SRSF3: variants seen among roughly 807,000 people sequenced by gnomAD.
SRSF3 encodes serine and arginine rich splicing factor 3.
For synonymous variants in SRSF3, 87 were observed against 73.6 expected (o/e 1.18, Z -0.93); for missense variants, 58 against 217.1 (o/e 0.27, Z 4.61).
At chr6:36,599,040 C>T (rs1778676766) in intron 3 of SRSF3, 57 bp downstream of exon 3, 1 of 1,575,288 alleles carries the variant, frequency 6.3e-7, no homozygotes, top group South Asian at 1.1e-5. Context: ...CTAGTAGGAG[C>T]AGGTATTTCT....
rs1207368855 is a variant in SRSF3 at position 36,604,080 on chromosome 6, T to C, written c.*2091T>C. Reference sequence around the variant, plus strand: ...AGAACATGGAAATTGTTAAAAGCTTTGAATTGCACATTTAGATTGTGGCTA... The same window carrying C: ...AGAACATGGAAATTGTTAAAAGCTTCGAATTGCACATTTAGATTGTGGCTA... On this transcript the variant is annotated 3_prime_UTR_variant, in exon 6 of 6. Coordinates refer to ENST00000373715, the MANE Select transcript of SRSF3 (RefSeq NM_003017.5). 3 of 227,288 alleles carry C rather than the reference T, an allele frequency of 1.3e-5. No individual in the cohort carries two copies. The highest frequency in any genetic ancestry group is 6.7e-5 in the African/African-American group (3 of 45,032). 14.1% of individuals were successfully genotyped at this position (227,288 alleles called of 1,614,324 possible).
chr6:36,601,106 A>AAATAC, intron 3 of SRSF3, 46 bp from the exon 4 acceptor site: 1 of 1,589,210 alleles, frequency 6.3e-7, no homozygotes, highest in South Asian at 1.1e-5. Context: ...CTCACGCCAT[A>AAATAC]AATACTAATT....
At chr6:36,595,337 GT>G (rs1340892396) in intron 1 of SRSF3, among the ~76,000 whole-genome samples, 1 of 152,210 alleles carries the variant, frequency 6.6e-6, no homozygotes, top group Non-Finnish European at 1.5e-5. Context: ...AAATTTTTTA[GT>G]AGCAAATATC....
chr6:36,597,594 C>T (rs1778651911), intron 2 of SRSF3, among the ~76,000 whole-genome samples: 1 of 152,008 alleles, frequency 6.6e-6, no homozygotes, highest in African/African-American at 2.4e-5. Context: ...TGAGTATTGA[C>T]CTCCATGCCC....
At chr6:36,594,504 A>T (rs1420012738) in intron 1 of SRSF3, 23 bp downstream of exon 1, 1 of 152,224 alleles carries the variant, frequency 6.6e-6, no homozygotes, top group Non-Finnish European at 1.5e-5. Flanking sequence ...CGAAAGAGGG[A>T]ATGAGGTGGA....
At position 36,601,928 on chromosome 6, in the gene SRSF3, ATGTTTTGTT is replaced by A. The variant is rs747430245; in HGVS notation, c.468-32_468-24del. 407 of 1,558,998 alleles carry A rather than the reference ATGTTTTGTT, an allele frequency of 2.6e-4. 1 individual carries two copies. The highest frequency in any genetic ancestry group is 3.4e-4 in the Non-Finnish European group (393 of 1,160,360). ...AAAGTGTCACCAAGTTACAGATGTAATGTTTTGTTTTCTTTTTTTTTTTTTTTTTTTAGT... is the reference window on the plus strand; with the variant it reads ...AAAGTGTCACCAAGTTACAGATGTAATTCTTTTTTTTTTTTTTTTTTTAGT... On this transcript the variant is annotated intron_variant, in intron 5 of 5. Transcript: ENST00000373715.
intron 3 of SRSF3, 48 bp downstream of exon 3, chr6:36,599,031 T>G: frequency 6.3e-7 from 1 of 1,594,480 alleles, no homozygotes; most frequent in Non-Finnish European, 8.5e-7. Context: ...ATGGAGTAGC[T>G]AGTAGGAGCA....
chr6:36,596,343 C>G (rs1188553229), intron 1 of SRSF3, among the ~76,000 whole-genome samples: 1 of 152,040 alleles, frequency 6.6e-6, no homozygotes, highest in African/African-American at 2.4e-5. Context: ...GACTAGCTTT[C>G]TTCATCATTG....
chr6:36,597,095 A>ATTTTTT (rs1778642206), intron 2 of SRSF3, 127 bp downstream of exon 2: 1 of 491,888 alleles, frequency 2.0e-6, no homozygotes, highest in African/African-American at 2.5e-5. Context: ...TACAATTGGG[A>ATTTTTT]TCTTTTTTTT....
Position 36,604,558 on chromosome 6 carries a change from CCT to C in SRSF3, c.*2570_*2571del, listed in dbSNP as rs1491219260. ...TTGTAGTTTTACCAAGCACAGGTAC[CCT>C]GTGTCTACCATTTGAGTATCTTAGA... On this transcript the variant is annotated 3_prime_UTR_variant, in exon 6 of 6. Coordinates refer to ENST00000373715, the MANE Select transcript of SRSF3 (RefSeq NM_003017.5). The C allele has an allele frequency of 5.7e-6, 1 of 175,728 alleles. No individual in the cohort carries two copies. The highest frequency in any genetic ancestry group is 6.4e-5 in the Admixed American group (1 of 15,738). The allele number at this position is 175,728 out of a possible 1,614,324, so 10.9% of individuals were successfully genotyped here.
In SRSF3 at chr6:36,605,078, G is replaced by A. The variant is rs1463120340; in HGVS notation, c.*3089G>A. On this transcript the variant is annotated 3_prime_UTR_variant, in exon 6 of 6. Coordinates refer to ENST00000373715, the MANE Select transcript of SRSF3 (RefSeq NM_003017.5). ...ATTTTTCTCTAAATAATCCAGTAGT[G>A]TTGAATTTGATTTTATGTCCACTCT... The A allele has an allele frequency of 1.3e-5, 2 of 152,150 alleles. No homozygotes were observed. Among genetic ancestry groups the A allele is most frequent in the Non-Finnish European group, 2.9e-5 (2 of 68,032 alleles). The allele number at this position is 152,150 out of a possible 1,614,324, so 9.4% of individuals were successfully genotyped here.
chr6:36,596,084 C>G (rs966535408), intron 1 of SRSF3, among the ~76,000 whole-genome samples: 7 of 151,892 alleles, frequency 4.6e-5, no homozygotes, highest in Admixed American at 3.3e-4. Context: ...GCCACCATGC[C>G]CGGCTAATTT....
chr6:36,603,753 C>A lies in SRSF3; in HGVS notation c.*1764C>A. On this transcript the variant is annotated 3_prime_UTR_variant, in exon 6 of 6. Coordinates refer to ENST00000373715, the MANE Select transcript of SRSF3 (RefSeq NM_003017.5). The stretch of plus-strand genomic sequence containing the variant: ...GCCTACAACCTGTTCCTGTTAGGAA[C>A]AAGCCAAGATAGCTAAGAAGTTACG... 1 of 231,054 alleles carries A rather than the reference C, an allele frequency of 4.3e-6. No individual in the cohort carries two copies. The allele number at this position is 231,054 out of a possible 1,614,324, so 14.3% of individuals were successfully genotyped here.
Position 36,598,840 on chromosome 6 carries a change from C to T in SRSF3, c.207-9C>T, listed in dbSNP as rs201627272. The stretch of plus-strand genomic sequence containing the variant: ...GGCTGTTTTAAGTTTAATATCTTTG[C>T]CCCCTCAGAACACTATGTGGCTGCC... On this transcript the variant is annotated splice_polypyrimidine_tract_variant and intron_variant, in intron 2 of 5. Transcript: ENST00000373715. The T allele has an allele frequency of 3.1e-6, 5 of 1,610,220 alleles. No individual in the cohort carries two copies. Among genetic ancestry groups the T allele is most frequent in the Admixed American group, 3.4e-5 (2 of 59,200 alleles).
chr6:36,600,360 G>C, intron 3 of SRSF3: 1 of 845,320 alleles, frequency 1.2e-6, no homozygotes, highest in Non-Finnish European at 1.4e-6. Flanking sequence ...CTGGATCAAA[G>C]GCTGGCTGTG....
chr6:36,598,641 TAA>T, intron 2 of SRSF3: 5 of 525,382 alleles, frequency 9.5e-6, no homozygotes, highest in Non-Finnish European at 1.7e-5. Flanking sequence ...CTCGGCCTCA[TAA>T]AGTGTTGGGA....
intron 4 of SRSF3, chr6:36,601,411 A>G: frequency 1.7e-6 from 1 of 592,486 alleles, no homozygotes; most frequent in South Asian, 2.3e-5. Flanking sequence ...CAGTGGTGTG[A>G]TTATAGCTCA....
At chr6:36,601,289 G>C in intron 4 of SRSF3, 99 bp downstream of exon 4, 1 of 1,188,624 alleles carries the variant, frequency 8.4e-7, no homozygotes, top group Non-Finnish European at 1.2e-6. Context: ...ATAAACCTTG[G>C]CTTTAATAGT....
At chr6:36,599,547 A>T (rs1403026301) in intron 3 of SRSF3, 1 of 262,240 alleles carries the variant, frequency 3.8e-6, no homozygotes. Flanking sequence ...TTCTTGGACC[A>T]GGCAGTATTG....
Sources: gnomAD v4.1 joint callset for allele counts (sites outside exome capture counted in the v4.1 genomes callset) on GRCh38, gnomAD v4.1.1 for gene constraint, MANE v1.5 for transcripts, NCBI Gene and HGNC (gene_info 2026-07-23, HGNC 2026-07-21) for gene names.